AP1B1: variants seen among roughly 807,000 people sequenced by gnomAD.
AP1B1 encodes AP-1 complex subunit beta-1.
Under a neutral mutation model 104.3 loss-of-function variants are expected in AP1B1, and 36 were observed. The observed-to-expected ratio is 0.35, with a 90% CI of 0.26 to 0.46. The LOEUF is 0.46. Among genes scored for constraint, AP1B1 ranks in the 20% least tolerant of loss-of-function variants. AP1B1 has a pLI of 1.00. For synonymous variants in AP1B1, 504 were observed against 517.5 expected (o/e 0.97, Z 0.35); for missense variants, 901 against 1,247.9 (o/e 0.72, Z 4.19).
chr22:29,362,348 CTTCT>C (rs2062062448), intron 3 of AP1B1, among the ~76,000 whole-genome samples: 1 of 151,780 alleles, frequency 6.6e-6, no homozygotes, highest in South Asian at 2.1e-4. Context: ...ATTTCCCATT[CTTCT>C]TTTTTTTTTT....
At chr22:29,362,386 A>G (rs1427731256) in intron 3 of AP1B1, among the ~76,000 whole-genome samples, 5 of 150,124 alleles carry the variant, frequency 3.3e-5, no homozygotes, top group African/African-American at 9.8e-5. Context: ...TCGCTCTGTC[A>G]CCTGGGCTGG....
chr22:29,361,662 G>A (rs1181089653), intron 3 of AP1B1, among the ~76,000 whole-genome samples: 1 of 152,102 alleles, frequency 6.6e-6, no homozygotes, highest in East Asian at 1.9e-4. Flanking sequence ...CTGGTGAGCA[G>A]GTAAACACAA....
rs1602842769 is a variant in AP1B1 at position 29,386,088 on chromosome 22, A to T, written c.-28+2336T>A. Among the ~76,000 whole-genome samples, 3 of 152,250 alleles carry T rather than the reference A, an allele frequency of 2.0e-5. No homozygotes were observed. The South Asian group carries it at 6.2e-4, about 31-fold the overall frequency. On this transcript the variant is annotated intron_variant, in intron 1 of 22. Coordinates refer to ENST00000357586, the MANE Select transcript of AP1B1 (RefSeq NM_001127.4). Reference sequence around the variant, plus strand: ...CAGCCTTCCTCAGACACAGGCCCCCAGCAGGCATCAGTCTGCCTAGAGTCA... The same window carrying T: ...CAGCCTTCCTCAGACACAGGCCCCCTGCAGGCATCAGTCTGCCTAGAGTCA...
At chr22:29,336,804 CAAAA>C (rs1174010439) in intron 16 of AP1B1, among the ~76,000 whole-genome samples, 7 of 72,964 alleles carry the variant, frequency 9.6e-5, no homozygotes, top group African/African-American at 2.6e-4. Context: ...AACTCTGTCT[CAAAA>C]AAAAAAAAAA....
chr22:29,361,511 AAAACTGTCATTACCTAC>A (rs1602755901), intron 3 of AP1B1, among the ~76,000 whole-genome samples: 1 of 152,304 alleles, frequency 6.6e-6, no homozygotes, highest in East Asian at 1.9e-4. Flanking sequence ...CTTTGGCAGT[AAAACTGTCATTACCTAC>A]AATATGGGAA....
At chr22:29,381,632 A>C (rs894600412) in intron 1 of AP1B1, among the ~76,000 whole-genome samples, 3 of 152,364 alleles carry the variant, frequency 2.0e-5, no homozygotes, top group South Asian at 2.1e-4. Flanking sequence ...ATTTACAGCC[A>C]ATAAATGGAA....
At chr22:29,388,246 G>A (rs551803184) in intron 1 of AP1B1, among the ~76,000 whole-genome samples, 178 bp downstream of exon 1, 2 of 152,260 alleles carry the variant, frequency 1.3e-5, no homozygotes, top group African/African-American at 4.8e-5. Context: ...CGGCCAAGTG[G>A]GCGCGAATGA....
chr22:29,381,328 T>C (rs2062433061), intron 1 of AP1B1, among the ~76,000 whole-genome samples: 1 of 152,206 alleles, frequency 6.6e-6, no homozygotes, highest in Non-Finnish European at 1.5e-5. Flanking sequence ...TTGTCTATTC[T>C]TTCTCCCCCT....
rs1702254497 is a variant in AP1B1 at position 29,328,542 on chromosome 22, G to A, written c.*279C>T. 7.3e-6 allele frequency: 3 copies of A among 408,174 alleles called. No homozygotes were observed. Among genetic ancestry groups the A allele is most frequent in the African/African-American group, 6.1e-5 (3 of 49,112 alleles). The allele number at this position is 408,174 out of a possible 1,614,324, so 25.3% of individuals were successfully genotyped here. A position where few individuals can be genotyped will look rare whatever the true frequency, so the allele number is the denominator to read the frequency against. ...CCCTTCAGGCACAGCTTCTGTGGCT[G>A]CTCTGGCTCTGTTTCCTTTGGTCCC... On this transcript the variant is annotated 3_prime_UTR_variant, in exon 23 of 23. Coordinates refer to ENST00000357586, the MANE Select transcript of AP1B1 (RefSeq NM_001127.4). This position sits in a 1 kb window ranked among gnomAD's most constrained non-coding sequence, Gnocchi z 4.1.
intron 16 of AP1B1, among the ~76,000 whole-genome samples, chr22:29,337,699 C>T (rs2061657487): frequency 6.6e-6 from 1 of 152,186 alleles, no homozygotes; most frequent in Non-Finnish European, 1.5e-5. Context: ...TCCTCAGTGC[C>T]AGGCCCGCAT....
In AP1B1 at chr22:29,341,605, G is replaced by A. The variant is rs749082997; in HGVS notation, c.1692C>T (p.Ile564=). 2.1e-5 allele frequency: 34 copies of A among 1,614,144 alleles called. 1 individual carries two copies. The South Asian group carries it at 3.3e-4, about 16-fold the overall frequency. The change falls in exon 13 of 23, where the codon ATC becomes ATT. Residue 564 remains isoleucine (I), a synonymous_variant. Transcript: ENST00000357586. ...CGGAAGCCAGCGTGCCGATGTAGCA[G>A]ATAAGCTCGTCTAACAGTGTGGGCT... ...LIEPTLLDEL[I]CYIGTLASVY...
intron 1 of AP1B1, among the ~76,000 whole-genome samples, chr22:29,372,401 G>A (rs114193023): frequency 0.013 from 1,892 of 145,130 alleles, 52 homozygotes; most frequent in African/African-American, 0.047. Flanking sequence ...TCCAGCCTGC[G>A]CAACAAGAAC....
intron 12 of AP1B1, among the ~76,000 whole-genome samples, 186 bp from the exon 13 acceptor site, chr22:29,341,946 A>G (rs2058580329): frequency 6.6e-6 from 1 of 152,068 alleles, no homozygotes; most frequent in Non-Finnish European, 1.5e-5. Flanking sequence ...CTCATTCCCC[A>G]TGGTACTCTA....
At position 29,342,326 on chromosome 22, in the gene AP1B1, T is replaced by C; in HGVS notation, c.1495A>G (p.Thr499Ala). The C allele has an allele frequency of 6.2e-7, 1 of 1,614,124 alleles. No homozygotes were observed. The highest frequency in any genetic ancestry group is 8.5e-7 in the Non-Finnish European group (1 of 1,180,006). Residue 499 changes from threonine (T) to alanine (A), a missense_variant, in exon 12 of 23, where the codon ACC (threonine) becomes GCC (alanine). Around this residue, in one of 3 missense-constraint regions of AP1B1, gnomAD observed 471 missense variants for 696.7 expected, o/e 0.68. Transcript: ENST00000357586. Reference protein sequence around the residue: ...VKLFLKKPTETQELVQQVLSL... With the variant: ...VKLFLKKPTEAQELVQQVLSL... ...AGGACCTGCTGCACCAGCTCCTGGGTCTCTGTTGGCTTCTTTAGAAAGAGT... is the reference window on the plus strand; with the variant it reads ...AGGACCTGCTGCACCAGCTCCTGGGCCTCTGTTGGCTTCTTTAGAAAGAGT...
chr22:29,340,590 G>A (rs2061699242), intron 14 of AP1B1, 66 bp downstream of exon 14: 1 of 1,445,180 alleles, frequency 6.9e-7, no homozygotes, highest in East Asian at 2.5e-5. Flanking sequence ...TGGCATGGAG[G>A]GGCATTCAGT....
intron 16 of AP1B1, among the ~76,000 whole-genome samples, chr22:29,337,080 T>C (rs2061649177): frequency 1.3e-5 from 2 of 152,228 alleles, no homozygotes; most frequent in Admixed American, 6.5e-5. Flanking sequence ...GATTCTACGT[T>C]CCCGTGGCCC....
Position 29,354,867 on chromosome 22 carries a change from A to G in AP1B1, c.721T>C (p.Cys241Arg). The G allele has an allele frequency of 3.7e-6, 6 of 1,613,968 alleles. No homozygotes were observed. The highest frequency in any genetic ancestry group is 5.1e-6 in the Non-Finnish European group (6 of 1,179,872). Residue 241 changes from cysteine (C) to arginine (R), a missense_variant, in exon 7 of 23, where the codon TGT becomes CGT. Transcript: ENST00000357586. ...GAGAGCCTGGGGGTGACCCGCTCAC[A>G]GATGCTGGGGTCCGTCCATTCCAAC... ...PKDDREAQSI[C>R]ERVTPRLSHA...
chr22:29,385,666 T>A (rs2062510893), intron 1 of AP1B1, among the ~76,000 whole-genome samples: 1 of 152,190 alleles, frequency 6.6e-6, no homozygotes, highest in Non-Finnish European at 1.5e-5. Flanking sequence ...TGTGAAGACA[T>A]AAAGAACAGA....
chr22:29,345,446 A>T (rs1290986426), intron 11 of AP1B1, among the ~76,000 whole-genome samples: 1 of 140,604 alleles, frequency 7.1e-6, no homozygotes, highest in African/African-American at 2.7e-5. Context: ...ATCTTGACTC[A>T]CTGCAGCCTC....
Sources: allele counts gnomAD v4.1 joint callset (sites outside exome capture counted in the v4.1 genomes callset), GRCh38; gene constraint gnomAD v4.1.1; regional missense constraint gnomAD v4.1.1; non-coding constraint Gnocchi (gnomAD v3.1); transcripts MANE v1.5; gene names NCBI Gene and HGNC (gene_info 2026-07-23, HGNC 2026-07-21).